Variants in CANX observed in about 807,000 individuals in gnomAD.
CANX encodes the protein epididymis secretory sperm binding protein.
In CANX, 14 loss-of-function variants were observed where a neutral mutation model predicts 75.7. That is an observed-to-expected ratio of 0.19 (90% CI 0.12 to 0.29). CANX has a LOEUF of 0.29. CANX is among the 10% of genes least tolerant of loss of function. The pLI is 1.00. For synonymous variants in CANX, 227 were observed against 236.9 expected (o/e 0.96, Z 0.38); for missense variants, 567 against 713.2 (o/e 0.79, Z 2.34).
chr5:179,714,297 G>A (rs1367445751), intron 7 of CANX, among the ~76,000 whole-genome samples: 3 of 152,120 alleles, frequency 2.0e-5, no homozygotes, highest in Admixed American at 6.6e-5. Flanking sequence ...CACTGGGCCC[G>A]TCCAATGACT....
At chr5:179,716,429 T>G (rs1777955984) in intron 8 of CANX, 135 bp downstream of exon 8, 2 of 639,136 alleles carry the variant, frequency 3.1e-6, no homozygotes, top group Non-Finnish European at 5.4e-6. Flanking sequence ...GTAGGGAAAA[T>G]ATAGAGTACT....
At chr5:179,703,449 C>G (rs1217719693) in intron 1 of CANX, among the ~76,000 whole-genome samples, 1 of 151,554 alleles carries the variant, frequency 6.6e-6, no homozygotes, top group Non-Finnish European at 1.5e-5. Context: ...TGAGCTCAGG[C>G]AGTCTACCAG....
intron 7 of CANX, among the ~76,000 whole-genome samples, chr5:179,715,698 AT>A (rs1777896072): frequency 6.6e-6 from 1 of 152,206 alleles, no homozygotes. Context: ...TACCAGCTCT[AT>A]TAAAAATGAA....
At chr5:179,680,531 G>A (rs767059231) in intron 1 of CANX, among the ~76,000 whole-genome samples, 6 of 152,176 alleles carry the variant, frequency 3.9e-5, no homozygotes, top group Non-Finnish European at 5.9e-5. Context: ...ATCCTGGGGT[G>A]TGTGCCATGG....
Position 179,722,906 on chromosome 5 carries a change from A to G in CANX, c.1285A>G (p.Met429Val). The G allele has an allele frequency of 6.2e-7, 1 of 1,613,948 alleles. No homozygotes were observed. The highest frequency in any genetic ancestry group is 1.6e-4 in the Middle Eastern group (1 of 6,062). Residue 429 changes from methionine (M) to valine (V), a missense_variant, in exon 11 of 15, where the codon ATG becomes GTG. Transcript: ENST00000247461. The part of the protein sequence containing the change: ...FSAIGLELWS[M>V]TSDIFFDNFI... ...TGCTATTGGTTTGGAGCTGTGGTCCATGACCTCTGACATTTTTTTTGACAA... is the reference window on the plus strand; with the variant it reads ...TGCTATTGGTTTGGAGCTGTGGTCCGTGACCTCTGACATTTTTTTTGACAA...
upstream of CANX, chr5:179,698,620 GT>G (rs1456070931): frequency 7.8e-7 from 1 of 1,282,030 alleles, no homozygotes; most frequent in Non-Finnish European, 1.0e-6. Context: ...GCTACTGGGG[GT>G]TGGGTTGGAA....
upstream of CANX, among the ~76,000 whole-genome samples, chr5:179,693,758 C>T (rs1484733233): frequency 6.6e-6 from 1 of 151,350 alleles, no homozygotes; most frequent in African/African-American, 2.4e-5. Context: ...CAAGAGGATC[C>T]CTTGAGCCCA....
upstream of CANX, among the ~76,000 whole-genome samples, chr5:179,696,230 G>GA (rs1364209887): frequency 7.2e-6 from 1 of 139,678 alleles, no homozygotes; most frequent in Non-Finnish European, 1.5e-5. Flanking sequence ...ATTCTTTGTT[G>GA]AAAAAATCAT....
chr5:179,721,510 T>C (rs1394887277), intron 10 of CANX, among the ~76,000 whole-genome samples: 1 of 152,228 alleles, frequency 6.6e-6, no homozygotes, highest in Non-Finnish European at 1.5e-5. Context: ...GATCCACAGC[T>C]GAGTCTGGAC....
chr5:179,726,437 A>G (rs527269639), intron 13 of CANX, among the ~76,000 whole-genome samples: 16 of 152,030 alleles, frequency 1.1e-4, no homozygotes, highest in African/African-American at 3.6e-4. Flanking sequence ...TTAGCCGGGC[A>G]TGGTGGCAGG....
chr5:179,697,871 G>C (rs1367411150), upstream of CANX, among the ~76,000 whole-genome samples: 1 of 152,134 alleles, frequency 6.6e-6, no homozygotes, highest in African/African-American at 2.4e-5. Context: ...CTGAGCGACA[G>C]AGCAAGACTT....
intron 12 of CANX, 121 bp from the exon 13 acceptor site, chr5:179,724,536 C>T (rs1434846710): frequency 1.9e-5 from 14 of 741,374 alleles, no homozygotes; most frequent in East Asian, 1.8e-4. Flanking sequence ...ACATCCTATT[C>T]GTTTCTGTAT....
chr5:179,713,432 A>G (rs1429138896), intron 7 of CANX, among the ~76,000 whole-genome samples: 1 of 152,204 alleles, frequency 6.6e-6, no homozygotes, highest in Non-Finnish European at 1.5e-5. Flanking sequence ...TTCAGAAGCC[A>G]TAAGTAAGCA....
chr5:179,716,348 G>T, intron 8 of CANX, 54 bp downstream of exon 8: 2 of 1,366,004 alleles, frequency 1.5e-6, no homozygotes, highest in Non-Finnish European at 1.0e-6. Flanking sequence ...TATATTCCAT[G>T]TGGCTTGAAC....
At chr5:179,680,992 C>G in intron 1 of CANX, 1 of 1,337,552 alleles carries the variant, frequency 7.5e-7, no homozygotes, top group Non-Finnish European at 1.0e-6. Context: ...TTGTGCCTCA[C>G]CTGGAAGATG....
At chr5:179,698,280 CAT>C (rs1776478952), upstream of CANX, 11 of 437,752 alleles carry the variant, frequency 2.5e-5, no homozygotes, top group South Asian at 4.7e-4. Context: ...CTTCAGGAAA[CAT>C]AAATTGAAAG....
intron 7 of CANX, among the ~76,000 whole-genome samples, chr5:179,712,650 C>G (rs1777653841): frequency 6.7e-6 from 1 of 150,312 alleles, no homozygotes; most frequent in Non-Finnish European, 1.5e-5. Flanking sequence ...GTCTCAAACT[C>G]CCGACGTCAG....
intron 1 of CANX, chr5:179,680,960 C>G: frequency 6.7e-7 from 1 of 1,499,204 alleles, no homozygotes; most frequent in Non-Finnish European, 9.0e-7. Context: ...GAGGATGTTT[C>G]CCCGTTAGTC....
chr5:179,714,399 C>A (rs560971707), intron 7 of CANX, among the ~76,000 whole-genome samples: 56 of 152,330 alleles, frequency 3.7e-4, no homozygotes, highest in African/African-American at 1.3e-3. Flanking sequence ...TAAAAACATA[C>A]ACAAAGAAGT....
Sources: gnomAD v4.1 joint callset for allele counts (sites outside exome capture counted in the v4.1 genomes callset) on GRCh38, gnomAD v4.1.1 for gene constraint, MANE v1.5 for transcripts, NCBI Gene and HGNC (gene_info 2026-07-23, HGNC 2026-07-21) for gene names.